The following ARHGAP15 variants were observed in gnomAD, a reference collection of about 807,000 sequenced individuals.
ARHGAP15 encodes the protein rho GTPase-activating protein 15.
A neutral mutation model predicts 63.7 loss-of-function variants in ARHGAP15; 51 were observed. The observed-to-expected ratio is 0.80, with a 90% CI of 0.64 to 1.01. The LOEUF is 1.01. ARHGAP15 is among the 50% of genes least tolerant of loss of function. The probability of loss-of-function intolerance (pLI) is 0.00; values close to 1 mark genes in which losing one functional copy is unlikely to be tolerated. For missense variants in ARHGAP15, 560 were observed against 564.6 expected (o/e 0.99, Z 0.08); for synonymous variants, 191 against 193.8 (o/e 0.99, Z 0.12).
chr2:143,256,895 TTGAC>T (rs760667347), intron 6 of ARHGAP15, among the ~76,000 whole-genome samples: 15 of 152,176 alleles, frequency 9.9e-5, no homozygotes, highest in Non-Finnish European at 1.9e-4. Context: ...CATGTTAGCT[TTGAC>T]TGATGAAAGG....
intron 9 of ARHGAP15, among the ~76,000 whole-genome samples, chr2:143,504,565 C>T (rs1029240391): frequency 2.0e-5 from 3 of 152,220 alleles, no homozygotes; most frequent in African/African-American, 7.2e-5. Context: ...CAGAGTAACA[C>T]TGACCTTACA....
chr2:143,463,445 A>C (rs1691052901), intron 8 of ARHGAP15, among the ~76,000 whole-genome samples: 1 of 151,590 alleles, frequency 6.6e-6, no homozygotes, highest in Non-Finnish European at 1.5e-5. Context: ...AGGAGGCTGA[A>C]ACAGGAAAAT....
intron 8 of ARHGAP15, among the ~76,000 whole-genome samples, chr2:143,481,820 A>G (rs183352633): frequency 9.2e-5 from 14 of 152,318 alleles, no homozygotes; most frequent in Admixed American, 4.6e-4. Flanking sequence ...TCATCTTAGA[A>G]AGCCCACTAT....
intron 6 of ARHGAP15, among the ~76,000 whole-genome samples, chr2:143,408,381 T>C (rs1371194802): frequency 1.3e-5 from 2 of 151,612 alleles, no homozygotes; most frequent in African/African-American, 4.8e-5. Context: ...TTTTCCTTCC[T>C]CACTGAAACT....
chr2:143,139,898 T>C (rs1689293240), intron 1 of ARHGAP15, among the ~76,000 whole-genome samples: 2 of 152,188 alleles, frequency 1.3e-5, no homozygotes, highest in African/African-American at 4.8e-5. Context: ...GCAAGTTACT[T>C]AATCTTTCTG....
chr2:143,299,927 G>A (rs1682820037), intron 6 of ARHGAP15, among the ~76,000 whole-genome samples: 1 of 151,934 alleles, frequency 6.6e-6, no homozygotes, highest in Admixed American at 6.6e-5. Context: ...TCATCTTTCA[G>A]GCAGATATCA....
At chr2:143,543,245 G>A (rs1052395373) in intron 10 of ARHGAP15, among the ~76,000 whole-genome samples, 1 of 151,992 alleles carries the variant, frequency 6.6e-6, no homozygotes, top group African/African-American at 2.4e-5. Flanking sequence ...TTCTATCAGA[G>A]GTAAGGTGAT....
chr2:143,483,869 C>T (rs2105219309), intron 8 of ARHGAP15, among the ~76,000 whole-genome samples: 1 of 152,332 alleles, frequency 6.6e-6, no homozygotes, highest in South Asian at 2.1e-4. Context: ...AGGTCAATCC[C>T]TCCTCTTAGA....
intron 10 of ARHGAP15, among the ~76,000 whole-genome samples, chr2:143,524,151 T>A (rs930448912): frequency 2.6e-5 from 4 of 152,180 alleles, no homozygotes; most frequent in African/African-American, 7.2e-5. Flanking sequence ...TTAGTCTACT[T>A]CTGAGAAGGT....
intron 6 of ARHGAP15, among the ~76,000 whole-genome samples, chr2:143,401,368 A>G (rs939196805): frequency 6.6e-6 from 1 of 152,038 alleles, no homozygotes; most frequent in Non-Finnish European, 1.5e-5. Flanking sequence ...AGCACTCAAG[A>G]TGTCCCCATA....
chr2:143,306,926 G>T (rs1683200067), intron 6 of ARHGAP15, among the ~76,000 whole-genome samples: 1 of 152,090 alleles, frequency 6.6e-6, no homozygotes, highest in Admixed American at 6.6e-5. Context: ...TCTGGACACA[G>T]CCTTGCTGGG....
At chr2:143,720,979 T>C (rs937488416) in intron 13 of ARHGAP15, among the ~76,000 whole-genome samples, 3 of 142,576 alleles carry the variant, frequency 2.1e-5, no homozygotes, top group Non-Finnish European at 4.5e-5. Flanking sequence ...TGAGGCAGAA[T>C]GGTGTGAACC....
intron 12 of ARHGAP15, chr2:143,641,216 C>G (rs1009481858): frequency 6.6e-6 from 1 of 151,986 alleles, no homozygotes; most frequent in African/African-American, 2.4e-5. Flanking sequence ...TGCATACTTG[C>G]TTAGCGGTGG....
At chr2:143,663,449 C>T (rs371097511) in intron 12 of ARHGAP15, among the ~76,000 whole-genome samples, 14 of 142,908 alleles carry the variant, frequency 9.8e-5, no homozygotes, top group South Asian at 2.5e-4. Flanking sequence ...CGGTACCAGC[C>T]GCTGCAAAAT....
At chr2:143,503,580 C>T (rs1388004653) in intron 9 of ARHGAP15, among the ~76,000 whole-genome samples, 1 of 152,238 alleles carries the variant, frequency 6.6e-6, no homozygotes, top group East Asian at 1.9e-4. Context: ...TTATACTCTA[C>T]TCCCAGTTCT....
At chr2:143,322,202 A>G (rs1441984979) in intron 6 of ARHGAP15, among the ~76,000 whole-genome samples, 1 of 152,188 alleles carries the variant, frequency 6.6e-6, no homozygotes, top group East Asian at 1.9e-4. Context: ...GAGCACTCTC[A>G]GTGGCTGGAC....
chr2:143,653,140 G>A (rs566927218), intron 12 of ARHGAP15, among the ~76,000 whole-genome samples: 2 of 152,122 alleles, frequency 1.3e-5, no homozygotes, highest in African/African-American at 4.8e-5. Flanking sequence ...ATGAACATAA[G>A]GTTTCTCTTT....
At chr2:143,381,846 A>ATTT (rs150118770) in intron 6 of ARHGAP15, among the ~76,000 whole-genome samples, 2 of 152,150 alleles carry the variant, frequency 1.3e-5, no homozygotes, top group African/African-American at 4.8e-5. Flanking sequence ...GGTATGTTAG[A>ATTT]TTTTTTAAAA....
chr2:143,539,213 A>C (rs891746547), intron 10 of ARHGAP15, among the ~76,000 whole-genome samples: 2 of 152,054 alleles, frequency 1.3e-5, no homozygotes, highest in African/African-American at 4.8e-5. Context: ...TTTCTGTTGG[A>C]TTGGTAGTGA....
Sources: gnomAD v4.1 joint callset for allele counts (sites outside exome capture counted in the v4.1 genomes callset) on GRCh38, gnomAD v4.1.1 for gene constraint, MANE v1.5 for transcripts, NCBI Gene and HGNC (gene_info 2026-07-23, HGNC 2026-07-21) for gene names.